TMBIM4: variants seen among roughly 807,000 people sequenced by gnomAD.
The protein encoded by TMBIM4 is protein lifeguard 4.
Under a neutral mutation model 27.7 loss-of-function variants are expected in TMBIM4, and 28 were observed. That is an observed-to-expected ratio of 1.01 (90% CI 0.75 to 1.38). TMBIM4 has a LOEUF of 1.38. TMBIM4 is among the 40% of genes most tolerant of loss of function. TMBIM4 has a pLI of 0.00. For synonymous variants in TMBIM4, 115 were observed against 113.1 expected, an observed-to-expected ratio of 1.02 and a Z score of -0.11; for missense variants, 265 against 277.5, an observed-to-expected ratio of 0.95 and a Z score of 0.32.
At chr12:66,156,632 T>G (rs2051941015) in intron 1 of TMBIM4, among the ~76,000 whole-genome samples, 1 of 152,214 alleles carries the variant, frequency 6.6e-6, no homozygotes, top group Admixed American at 6.5e-5. Context: ...TAAATAATCG[T>G]TCCACTTAAA....
At position 66,145,918 on chromosome 12, in the gene TMBIM4, T is replaced by C; in HGVS notation, c.387A>G (p.Ile129Met). The change falls in exon 5 of 7, where the codon ATA (isoleucine) becomes ATG (methionine). Residue 129 changes from isoleucine (I) to methionine (M), a missense_variant. Transcript: ENST00000358230. ...YDVYIILQAFILTTTVFFGLT... is the reference protein window; with the variant it reads ...YDVYIILQAFMLTTTVFFGLT... ...AACCAAAAAATACTGTAGTAGTCAG[T>C]ATGAAAGCTTGCAGAATAATATATA... is the stretch of plus-strand genomic sequence containing the variant. 6.2e-7 allele frequency: 1 copy of C among 1,603,360 alleles called. No homozygotes were observed. The highest frequency in any genetic ancestry group is 8.5e-7 in the Non-Finnish European group (1 of 1,171,748).
chr12:66,142,622 T>C (rs1162093164), intron 5 of TMBIM4, among the ~76,000 whole-genome samples: 2 of 151,982 alleles, frequency 1.3e-5, no homozygotes, highest in African/African-American at 2.4e-5. Flanking sequence ...GTCTTTTTTA[T>C]AATGGAAAGT....
Position 66,137,756 on chromosome 12 carries a change from A to C in TMBIM4, c.*204T>G. 1.9e-6 allele frequency: 1 copy of C among 521,946 alleles called. No individual in the cohort carries two copies. The highest frequency in any genetic ancestry group is 2.2e-5 in the South Asian group (1 of 45,038). The allele number at this position is 521,946 out of a possible 1,614,324, so 32.3% of individuals were successfully genotyped here. ...CTGAGATCCTAAATCAAGGATTTAG[A>C]AATGAGGTATCATAAAGAATAGTAA... On this transcript the variant is annotated 3_prime_UTR_variant, in exon 7 of 7. Transcript: ENST00000358230.
intron 4 of TMBIM4, among the ~76,000 whole-genome samples, chr12:66,146,549 C>T (rs1565783153): frequency 6.6e-6 from 1 of 152,126 alleles, no homozygotes; most frequent in Non-Finnish European, 1.5e-5. Context: ...TGTGTATTAT[C>T]TTGGAGTACA....
intron 1 of TMBIM4, among the ~76,000 whole-genome samples, chr12:66,158,509 T>G (rs1047760767): frequency 2.1e-4 from 31 of 150,742 alleles, no homozygotes; most frequent in African/African-American, 2.9e-4. Flanking sequence ...TGTGGTGGCA[T>G]GTGCCTGTAA....
At chr12:66,159,132 T>G (rs1248258575) in intron 1 of TMBIM4, among the ~76,000 whole-genome samples, 2 of 152,170 alleles carry the variant, frequency 1.3e-5, no homozygotes, top group Non-Finnish European at 2.9e-5. Flanking sequence ...CTTCAAAAGG[T>G]GGAACCTAAA....
chr12:66,146,665 A>C (rs1325684437), intron 4 of TMBIM4, among the ~76,000 whole-genome samples: 1 of 152,180 alleles, frequency 6.6e-6, no homozygotes, highest in Non-Finnish European at 1.5e-5. Flanking sequence ...CATTTTAATA[A>C]ATTGCAAAGT....
At chr12:66,166,488 A>T (rs996218296) in intron 1 of TMBIM4, among the ~76,000 whole-genome samples, 6 of 151,758 alleles carry the variant, frequency 4.0e-5, no homozygotes, top group Admixed American at 2.6e-4. Flanking sequence ...AAAAAAAGAA[A>T]AAGAAAAAGA....
chr12:66,154,677 A>G (rs559444413), intron 1 of TMBIM4, among the ~76,000 whole-genome samples: 1 of 152,296 alleles, frequency 6.6e-6, no homozygotes, highest in Non-Finnish European at 1.5e-5. Flanking sequence ...TGAGCATTAG[A>G]TGGTGGATGT....
At chr12:66,169,394 A>G in intron 1 of TMBIM4, 1 of 596,286 alleles carries the variant, frequency 1.7e-6, no homozygotes, top group Non-Finnish European at 3.0e-6. Context: ...CTTCCAGCCT[A>G]GCACAGGACG....
At chr12:66,142,889 A>G (rs578174972) in intron 5 of TMBIM4, among the ~76,000 whole-genome samples, 3 of 152,160 alleles carry the variant, frequency 2.0e-5, no homozygotes, top group Non-Finnish European at 2.9e-5. Context: ...AAGATCCTAC[A>G]TTTGAGCCTG....
Position 66,137,057 on chromosome 12 carries a change from C to T in TMBIM4, c.*903G>A, listed in dbSNP as rs1031364724. 1 of 152,190 alleles carries T rather than the reference C, an allele frequency of 6.6e-6. No individual in the cohort carries two copies. The highest frequency in any genetic ancestry group is 1.5e-5 in the Non-Finnish European group (1 of 68,032). The allele number at this position is 152,190 out of a possible 1,614,324, so 9.4% of individuals were successfully genotyped here. A position where few individuals can be genotyped will look rare whatever the true frequency, so the allele number is the denominator to read the frequency against. Reference sequence around the variant, plus strand: ...TCAAATGAAATCTATACTTTAAAAACAATTAATGTCAAATTTTGTCATAAT... The same window carrying T: ...TCAAATGAAATCTATACTTTAAAAATAATTAATGTCAAATTTTGTCATAAT... On this transcript the variant is annotated 3_prime_UTR_variant, in exon 7 of 7. Transcript: ENST00000358230.
intron 3 of TMBIM4, among the ~76,000 whole-genome samples, chr12:66,151,339 G>A (rs1015180976): frequency 6.6e-6 from 1 of 152,144 alleles, no homozygotes; most frequent in South Asian, 2.1e-4. Flanking sequence ...CCCCGTTACA[G>A]TGATCCTCCC....
intron 1 of TMBIM4, among the ~76,000 whole-genome samples, chr12:66,158,076 C>A (rs779170953): frequency 2.0e-5 from 3 of 150,882 alleles, no homozygotes; most frequent in African/African-American, 7.3e-5. Flanking sequence ...AGTACAAAAA[C>A]TTAGCTGGGC....
At chr12:66,166,637 T>C (rs1473564908) in intron 1 of TMBIM4, among the ~76,000 whole-genome samples, 1 of 152,210 alleles carries the variant, frequency 6.6e-6, no homozygotes, top group Non-Finnish European at 1.5e-5. Context: ...AAAACACTGA[T>C]ATCATCAAAT....
intron 1 of TMBIM4, among the ~76,000 whole-genome samples, chr12:66,162,749 T>C (rs1421805533): frequency 6.6e-6 from 1 of 152,238 alleles, no homozygotes; most frequent in Admixed American, 6.5e-5. Flanking sequence ...AATCTGCACG[T>C]ATATCCCAAG....
At chr12:66,144,982 G>A in intron 5 of TMBIM4, among the ~76,000 whole-genome samples, 1 of 152,116 alleles carries the variant, frequency 6.6e-6, no homozygotes, top group East Asian at 1.9e-4. Context: ...GGGTTGAGAA[G>A]AGGAAGTAGA....
intron 5 of TMBIM4, among the ~76,000 whole-genome samples, chr12:66,140,097 G>A (rs1180562393): frequency 6.6e-6 from 1 of 152,022 alleles, no homozygotes; most frequent in South Asian, 2.1e-4. Context: ...ATAATGACCA[G>A]CATCCAATAA....
intron 4 of TMBIM4, among the ~76,000 whole-genome samples, chr12:66,146,562 A>T (rs1825443120): frequency 6.6e-6 from 1 of 152,138 alleles, no homozygotes; most frequent in Non-Finnish European, 1.5e-5. Flanking sequence ...GGAGTACATT[A>T]TTTTGGGGTT....
Sources: allele counts gnomAD v4.1 joint callset (sites outside exome capture counted in the v4.1 genomes callset), GRCh38; gene constraint gnomAD v4.1.1; transcripts MANE v1.5; gene names NCBI Gene and HGNC (gene_info 2026-07-23, HGNC 2026-07-21).